The following UNC13C variants were observed in gnomAD, a reference collection of about 807,000 sequenced individuals.
UNC13C encodes the protein protein unc-13 homolog C.
A neutral mutation model predicts 245.4 loss-of-function variants in UNC13C; 174 were observed. The ratio of observed to expected loss-of-function variants is 0.71; its 90% CI spans 0.63 to 0.80. UNC13C has a LOEUF of 0.80. Among genes scored for constraint, UNC13C ranks in the 30% least tolerant of loss-of-function variants. The probability of loss-of-function intolerance (pLI) is 0.00; values close to 1 mark genes in which losing one functional copy is unlikely to be tolerated. For missense variants in UNC13C, 2,829 were observed against 2,602.9 expected (o/e 1.09, Z -1.89); for synonymous variants, 992 against 895.1 (o/e 1.11, Z -1.93).
chr15:54,362,010 GT>G (rs199889148), intron 17 of UNC13C, among the ~76,000 whole-genome samples: 1 of 484 alleles, frequency 2.1e-3, no homozygotes, highest in Non-Finnish European at 9.3e-3. Flanking sequence ...ATCTGGGTTT[GT>G]AAAAAAATAT....
intron 2 of UNC13C, among the ~76,000 whole-genome samples, chr15:54,107,350 C>T (rs1425830571): frequency 6.6e-6 from 1 of 152,016 alleles, no homozygotes; most frequent in Non-Finnish European, 1.5e-5. Context: ...TATTAACAAG[C>T]ATTATAAGCA....
At chr15:54,420,399 A>T (rs903513454) in intron 19 of UNC13C, among the ~76,000 whole-genome samples, 1 of 151,916 alleles carries the variant, frequency 6.6e-6, no homozygotes, top group Non-Finnish European at 1.5e-5. Flanking sequence ...GCAATGCAAG[A>T]GAAAAGGCAG....
the UNC13C span, among the ~76,000 whole-genome samples, chr15:53,838,363 C>T: frequency 2.0e-5 from 3 of 152,024 alleles, no homozygotes; most frequent in Non-Finnish European, 4.4e-5. Flanking sequence ...TGCTAGCATA[C>T]TTGTAGCATA....
chr15:54,095,017 A>T (rs542458941), intron 2 of UNC13C, among the ~76,000 whole-genome samples: 1 of 152,270 alleles, frequency 6.6e-6, no homozygotes, highest in Admixed American at 6.5e-5. Flanking sequence ...TGCAACATCT[A>T]AGACAACCCC....
rs181645501 is a variant in UNC13C at position 54,601,293 on chromosome 15, A to C, written c.6107-21034A>C. ...GAATCCAGAGGGTAATAGGGTCTTT[A>C]ATGTCAATGAGAAGATAATCTCCTG... On this transcript the variant is annotated intron_variant, in intron 30 of 32. Transcript: ENST00000260323. Among the ~76,000 whole-genome samples the C allele has an allele frequency of 1.5e-4, 23 of 152,342 alleles. No homozygotes were observed. The East Asian group carries it at 4.4e-3, about 29-fold the overall frequency.
intron 4 of UNC13C, among the ~76,000 whole-genome samples, chr15:54,166,067 A>G (rs1458750753): frequency 6.6e-6 from 1 of 152,068 alleles, no homozygotes; most frequent in Non-Finnish European, 1.5e-5. Context: ...TTATGTATTA[A>G]GGGTATTTTT....
At chr15:54,017,658 T>C (rs73415056) in intron 2 of UNC13C, among the ~76,000 whole-genome samples, 2,276 of 152,238 alleles carry the variant, frequency 0.015, 65 homozygotes, top group African/African-American at 0.052. Context: ...TTCTAAAAAT[T>C]CCAAATTAGC....
chr15:54,305,825 T>C (rs1442172423), intron 13 of UNC13C, among the ~76,000 whole-genome samples: 1 of 152,072 alleles, frequency 6.6e-6, no homozygotes, highest in African/African-American at 2.4e-5. Context: ...ATTCTGTGGA[T>C]TTTCCTAGAC....
the UNC13C span, among the ~76,000 whole-genome samples, chr15:53,927,330 A>G: frequency 2.0e-5 from 3 of 152,140 alleles, no homozygotes; most frequent in Non-Finnish European, 2.9e-5. Context: ...ACTGGAGAGG[A>G]GGAAAGGCTG....
chr15:54,503,434 C>CTTTTTTT (rs35100602), intron 22 of UNC13C, among the ~76,000 whole-genome samples: 1 of 136,564 alleles, frequency 7.3e-6, no homozygotes. Flanking sequence ...TCAGCCTTTC[C>CTTTTTTT]TTTTTTTTTT....
At chr15:54,360,968 T>C (rs1246651788) in intron 17 of UNC13C, among the ~76,000 whole-genome samples, 2 of 152,158 alleles carry the variant, frequency 1.3e-5, no homozygotes, top group East Asian at 3.8e-4. Context: ...TGGTTGGCAA[T>C]CTCTGTGTTT....
At chr15:54,449,190 C>G (rs1030062152) in intron 19 of UNC13C, among the ~76,000 whole-genome samples, 8 of 152,164 alleles carry the variant, frequency 5.3e-5, no homozygotes, top group African/African-American at 1.7e-4. Context: ...CGACTTTTCT[C>G]TCTGGCTGCC....
At chr15:54,049,435 G>A (rs1041193480) in intron 2 of UNC13C, 12 of 481,572 alleles carry the variant, frequency 2.5e-5, no homozygotes, top group African/African-American at 8.0e-5. Flanking sequence ...GTTCTTTGTG[G>A]AGACCACATA....
At chr15:54,150,197 A>G (rs1362059805) in intron 4 of UNC13C, among the ~76,000 whole-genome samples, 4 of 152,228 alleles carry the variant, frequency 2.6e-5, no homozygotes. Context: ...GCATAGATTT[A>G]ACAAGATTCT....
At chr15:54,535,020 G>C (rs1281539486) in intron 26 of UNC13C, among the ~76,000 whole-genome samples, 13 of 152,074 alleles carry the variant, frequency 8.5e-5, no homozygotes, top group Admixed American at 8.5e-4. Context: ...ATAACAACCA[G>C]CTAAAGACGC....
chr15:54,296,826 T>C (rs1230626336), intron 11 of UNC13C, among the ~76,000 whole-genome samples: 1 of 152,204 alleles, frequency 6.6e-6, no homozygotes, highest in African/African-American at 2.4e-5. Flanking sequence ...CTGTGTTTTG[T>C]ATCTGAAATG....
intron 4 of UNC13C, among the ~76,000 whole-genome samples, chr15:54,166,598 T>A (rs566301243): frequency 1.4e-4 from 22 of 152,266 alleles, no homozygotes; most frequent in African/African-American, 5.1e-4. Flanking sequence ...TGATGATTTG[T>A]ATGGAAAACC....
At chr15:54,563,940 T>G (rs370551737) in intron 29 of UNC13C, among the ~76,000 whole-genome samples, 5 of 152,058 alleles carry the variant, frequency 3.3e-5, no homozygotes, top group Admixed American at 6.6e-5. Flanking sequence ...TCTGTGCCAG[T>G]AAGGTAACCA....
rs1374263593 is a variant in UNC13C at position 54,234,908 on chromosome 15, C to T, written c.3072-122C>T. 18 of 785,492 alleles carry T rather than the reference C, an allele frequency of 2.3e-5. No individual in the cohort carries two copies. The South Asian group carries it at 2.4e-4, about 10-fold the overall frequency. The allele number at this position is 785,492 out of a possible 1,614,324, so 48.7% of individuals were successfully genotyped here. A position where few individuals can be genotyped will look rare whatever the true frequency, so the allele number is the denominator to read the frequency against. ...CTTGTATCTTTGCAGCTTTGTGAAT[C>T]GTTTGAAAACTATGGTATCCAGGTC... On this transcript the variant is annotated intron_variant, in intron 4 of 32. Coordinates refer to ENST00000260323, the MANE Select transcript of UNC13C (RefSeq NM_001080534.3).
Sources: gnomAD v4.1 joint callset for allele counts (sites outside exome capture counted in the v4.1 genomes callset) on GRCh38, gnomAD v4.1.1 for gene constraint, MANE v1.5 for transcripts, NCBI Gene and HGNC (gene_info 2026-07-23, HGNC 2026-07-21) for gene names.